DSCAM: variants seen among roughly 807,000 people sequenced by gnomAD.
DSCAM encodes the protein DS cell adhesion molecule, also known as cell adhesion molecule DSCAM.
A neutral mutation model predicts 217.7 loss-of-function variants in DSCAM; 47 were observed. The ratio of observed to expected loss-of-function variants is 0.22; its 90% CI spans 0.17 to 0.28. The LOEUF (loss-of-function observed/expected upper bound fraction) is 0.28. Among genes scored for constraint, DSCAM ranks in the 10% least tolerant of loss-of-function variants. The pLI is 1.00. For missense variants in DSCAM, 2,080 were observed against 2,618.3 expected, an observed-to-expected ratio of 0.79 and a Z score of 4.49; for synonymous variants, 1,056 against 1,015.3, an observed-to-expected ratio of 1.04 and a Z score of -0.76.
intron 20 of DSCAM, among the ~76,000 whole-genome samples, chr21:40,095,313 T>C (rs75476315): frequency 0.01 from 1,579 of 152,292 alleles, 33 homozygotes; most frequent in African/African-American, 0.036. Flanking sequence ...TAATTAAAGA[T>C]GAGATTTGGC....
Position 40,353,477 on chromosome 21 carries a change from G to T in DSCAM, c.922C>A (p.Leu308Met). 6.2e-7 allele frequency: 1 copy of T among 1,604,174 alleles called. No individual in the cohort carries two copies. Among genetic ancestry groups the T allele is most frequent in the Non-Finnish European group, 8.5e-7 (1 of 1,177,398 alleles). ...CCGTCCAACTTACGTTTCACGTACAGGCGGCCTATCACCTTAGCAGTTCCG... is the reference window on the plus strand; with the variant it reads ...CCGTCCAACTTACGTTTCACGTACATGCGGCCTATCACCTTAGCAGTTCCG... ...RYGTAKVIGR[L>M]YVKQPLKATI... is the part of the protein sequence containing the mutation. The change falls in exon 5 of 33, where the codon CTG becomes ATG. Residue 308 changes from leucine (L) to methionine (M), a missense_variant. By Grantham distance (15) the Leu-to-Met change is conservative. Coordinates refer to ENST00000400454, the MANE Select transcript of DSCAM (RefSeq NM_001389.5).
intron 10 of DSCAM, among the ~76,000 whole-genome samples, chr21:40,280,546 A>G (rs934639292): frequency 2.0e-5 from 3 of 152,204 alleles, no homozygotes; most frequent in Admixed American, 2.0e-4. Flanking sequence ...TTTGAAAAAT[A>G]ATTAATGAAA....
chr21:40,523,072 T>C (rs894887818), intron 3 of DSCAM, among the ~76,000 whole-genome samples: 27 of 151,982 alleles, frequency 1.8e-4, no homozygotes, highest in African/African-American at 6.3e-4. Context: ...TCTATTGGAG[T>C]TTCCTATTGA....
intron 9 of DSCAM, among the ~76,000 whole-genome samples, chr21:40,301,032 A>T (rs948131409): frequency 1.3e-5 from 2 of 152,160 alleles, no homozygotes; most frequent in African/African-American, 2.4e-5. Flanking sequence ...CATTCTTTCC[A>T]TTCTGGGATC....
At chr21:40,233,761 T>C (rs1272140589) in intron 11 of DSCAM, among the ~76,000 whole-genome samples, 1 of 152,206 alleles carries the variant, frequency 6.6e-6, no homozygotes, top group African/African-American at 2.4e-5. Context: ...CGGTATCTAC[T>C]ACACACAACT....
At chr21:40,293,709 C>T (rs1294540890) in intron 10 of DSCAM, among the ~76,000 whole-genome samples, 3 of 152,050 alleles carry the variant, frequency 2.0e-5, no homozygotes. Flanking sequence ...GTAATCCCAG[C>T]TACTACTTGG....
chr21:40,824,315 T>C (rs2091951299), intron 1 of DSCAM, among the ~76,000 whole-genome samples: 1 of 152,076 alleles, frequency 6.6e-6, no homozygotes, highest in Non-Finnish European at 1.5e-5. Flanking sequence ...GAGATGAGCA[T>C]TTTAACACAC....
chr21:40,371,642 T>C (rs1444339791), intron 3 of DSCAM, among the ~76,000 whole-genome samples: 1 of 152,206 alleles, frequency 6.6e-6, no homozygotes, highest in Admixed American at 6.5e-5. Flanking sequence ...GTTCTTGTAA[T>C]ATCTAACATT....
intron 3 of DSCAM, among the ~76,000 whole-genome samples, chr21:40,452,727 C>CT (rs141779190): frequency 0.14 from 21,076 of 150,124 alleles, 1,519 homozygotes; most frequent in South Asian, 0.22. Context: ...GATTTAGTTG[C>CT]TTTTTTTTTA....
chr21:40,535,075 G>A (rs2076484898), intron 3 of DSCAM, among the ~76,000 whole-genome samples: 1 of 152,062 alleles, frequency 6.6e-6, no homozygotes, highest in Non-Finnish European at 1.5e-5. Flanking sequence ...TTTCATGCTG[G>A]CTGGCCACCT....
chr21:40,607,903 C>T (rs570392366), intron 3 of DSCAM, among the ~76,000 whole-genome samples: 59 of 152,296 alleles, frequency 3.9e-4, no homozygotes, highest in East Asian at 1.9e-3. Flanking sequence ...CATTGAGAGG[C>T]GCCATTCCAT....
intron 3 of DSCAM, among the ~76,000 whole-genome samples, chr21:40,495,839 A>G (rs2076113966): frequency 6.6e-6 from 1 of 152,190 alleles, no homozygotes; most frequent in Non-Finnish European, 1.5e-5. Context: ...AAATTACAGA[A>G]TACAAAATCA....
intron 4 of DSCAM, among the ~76,000 whole-genome samples, chr21:40,364,679 TA>T (rs920573862): frequency 1.3e-4 from 12 of 95,788 alleles, no homozygotes; most frequent in African/African-American, 1.6e-4. Flanking sequence ...AAAGTACAAT[TA>T]AAAAAAAGTG....
chr21:40,610,041 C>G (rs1324938424), intron 3 of DSCAM, among the ~76,000 whole-genome samples: 1 of 152,182 alleles, frequency 6.6e-6, no homozygotes, highest in Non-Finnish European at 1.5e-5. Context: ...CACAGGATAC[C>G]TTTCTTGACA....
chr21:40,020,530 TGAGA>T (rs140985038), intron 32 of DSCAM, among the ~76,000 whole-genome samples: 5,966 of 148,748 alleles, frequency 0.04, 701 homozygotes, highest in East Asian at 0.38. Context: ...TGTGTGTGTG[TGAGA>T]GAGAGAGAGA....
At chr21:40,294,929 T>G (rs1442845167) in intron 10 of DSCAM, among the ~76,000 whole-genome samples, 1 of 152,092 alleles carries the variant, frequency 6.6e-6, no homozygotes, top group Non-Finnish European at 1.5e-5. Flanking sequence ...TTTTAAAAAT[T>G]TAGCTATTTT....
chr21:40,286,441 G>A (rs1234228040), intron 10 of DSCAM, among the ~76,000 whole-genome samples: 1 of 152,180 alleles, frequency 6.6e-6, no homozygotes, highest in East Asian at 1.9e-4. Flanking sequence ...GGCATACAGA[G>A]CAGGACAAAG....
chr21:40,308,601 G>C (rs77382465), intron 9 of DSCAM, among the ~76,000 whole-genome samples: 2,817 of 152,088 alleles, frequency 0.019, 95 homozygotes, highest in African/African-American at 0.064. Context: ...TTCTCTCTCT[G>C]TTTTCTCCAC....
rs115705139 is a variant in DSCAM, at chr21:40,693,104, G to A, written c.362-148C>T. 4.2e-3 allele frequency: 3,883 copies of A among 928,690 alleles called. 86 individuals are homozygous for A. The African/African-American group carries it at 0.057, about 14-fold the overall frequency. 57.5% of individuals were successfully genotyped at this position (928,690 alleles called of 1,614,324 possible). On this transcript the variant is annotated intron_variant, in intron 2 of 32. Transcript: ENST00000400454. ...AACAGTTAAGATGCCTACATTTCAC[G>A]TCTTTCATCGCCTGACTTAAGAAAA...
Sources: gnomAD v4.1 joint callset for allele counts (sites outside exome capture counted in the v4.1 genomes callset) on GRCh38, gnomAD v4.1.1 for gene constraint, MANE v1.5 for transcripts, NCBI Gene and HGNC (gene_info 2026-07-23, HGNC 2026-07-21) for gene names.